RFPL1: variants seen among roughly 807,000 people sequenced by gnomAD.
RFPL1 encodes ret finger protein-like 1.
RFPL1 carries 6 observed loss-of-function variants against 9.6 expected under a neutral mutation model. The observed-to-expected ratio is 0.62, with a 90% CI of 0.34 to 1.23. RFPL1 has a LOEUF of 1.23. Among genes scored for constraint, RFPL1 ranks in the 50% most tolerant of loss-of-function variants. The probability of loss-of-function intolerance (pLI) is 0.03; values close to 1 mark genes in which losing one functional copy is unlikely to be tolerated. For missense variants in RFPL1, 352 were observed against 398.4 expected, an observed-to-expected ratio of 0.88 and a Z score of 0.99; for synonymous variants, 145 against 149.4, an observed-to-expected ratio of 0.97 and a Z score of 0.22.
chr22:29,406,561 T>C, the RFPL1 span, among the ~76,000 whole-genome samples: 1 of 152,222 alleles, frequency 6.6e-6, no homozygotes, highest in South Asian at 2.1e-4. Context: ...TTGTCTCATC[T>C]AAATAAAGGT....
At chr22:29,390,685 T>G in the RFPL1 span, among the ~76,000 whole-genome samples, 1 of 151,550 alleles carries the variant, frequency 6.6e-6, no homozygotes, top group African/African-American at 2.4e-5. Flanking sequence ...AAGCTCCGCC[T>G]CCCGGGTTCA....
chr22:29,400,763 G>A, the RFPL1 span, among the ~76,000 whole-genome samples: 4 of 152,242 alleles, frequency 2.6e-5, no homozygotes, highest in East Asian at 3.9e-4. Flanking sequence ...CACTGCTGAC[G>A]CTCAGCTTAC....
chr22:29,394,467 C>T, the RFPL1 span, among the ~76,000 whole-genome samples: 2 of 152,208 alleles, frequency 1.3e-5, no homozygotes, highest in Non-Finnish European at 2.9e-5. Context: ...CTCAGCCTCC[C>T]GAGTAGCTGG....
the RFPL1 span, among the ~76,000 whole-genome samples, chr22:29,420,193 C>T: frequency 1.3e-5 from 2 of 152,138 alleles, no homozygotes; most frequent in African/African-American, 4.8e-5. Flanking sequence ...CATGAGAGCT[C>T]AAGCATGAAA....
the RFPL1 span, among the ~76,000 whole-genome samples, chr22:29,418,075 T>A: frequency 5.3e-5 from 8 of 152,000 alleles, no homozygotes; most frequent in East Asian, 1.5e-3. Flanking sequence ...AAATTACATG[T>A]GCCCGCCACC....
At chr22:29,424,965 G>A in the RFPL1 span, among the ~76,000 whole-genome samples, 58 of 151,740 alleles carry the variant, frequency 3.8e-4, 1 homozygote, top group African/African-American at 1.3e-3. Context: ...AGCACTTTGG[G>A]AGGCCCAGGC....
At chr22:29,419,794 C>T in the RFPL1 span, among the ~76,000 whole-genome samples, 1 of 145,172 alleles carries the variant, frequency 6.9e-6, no homozygotes, top group African/African-American at 2.5e-5. Flanking sequence ...AAGTGAGATC[C>T]TCTCTCCAAA....
upstream of RFPL1, chr22:29,437,807 G>C: frequency 7.2e-7 from 1 of 1,394,230 alleles, no homozygotes; most frequent in South Asian, 1.3e-5. Flanking sequence ...GGATGAATGA[G>C]AGAAATTCGT....
chr22:29,431,690 C>CTT, the RFPL1 span, among the ~76,000 whole-genome samples: 58 of 145,128 alleles, frequency 4.0e-4, no homozygotes, highest in East Asian at 7.8e-3. Context: ...TTTAAAAGTT[C>CTT]TTTTTTTTTT....
At chr22:29,434,191 A>C (rs1410531264), upstream of RFPL1, among the ~76,000 whole-genome samples, 1 of 152,158 alleles carries the variant, frequency 6.6e-6, no homozygotes, top group African/African-American at 2.4e-5. Context: ...CATCATCTAG[A>C]TATTCATTAG....
exon 2 of RFPL1, chr22:29,442,264 T>C: frequency 1.8e-6 from 1 of 564,902 alleles, no homozygotes. Context: ...TAATCTAATT[T>C]GATTAGTTTA....
the RFPL1 span, among the ~76,000 whole-genome samples, chr22:29,410,984 C>G: frequency 1.8e-3 from 281 of 152,238 alleles, no homozygotes; most frequent in African/African-American, 6.5e-3. Context: ...CATTCTCAGT[C>G]ACCATGCAGA....
chr22:29,402,365 C>G, the RFPL1 span, among the ~76,000 whole-genome samples: 5 of 152,144 alleles, frequency 3.3e-5, no homozygotes, highest in Non-Finnish European at 5.9e-5. Context: ...AAGAAAAACA[C>G]GCTTTATGCA....
the RFPL1 span, among the ~76,000 whole-genome samples, chr22:29,425,625 G>A: frequency 6.6e-6 from 1 of 152,232 alleles, no homozygotes; most frequent in Non-Finnish European, 1.5e-5. Flanking sequence ...AAAAATGCAG[G>A]ACATTTGTGA....
At chr22:29,440,688 T>G (rs2062834105) in intron 1 of RFPL1, 1 of 152,220 alleles carries the variant, frequency 6.6e-6, no homozygotes, top group Non-Finnish European at 1.5e-5. Context: ...TTCTCCTGCC[T>G]CAGTCTACCG....
exon 1 of RFPL1, chr22:29,438,837 G>A (rs1457745681): frequency 6.2e-6 from 10 of 1,613,808 alleles, no homozygotes; most frequent in East Asian, 2.2e-5. Context: ...TTCACCTCAC[G>A]GAAATTTTCT....
chr22:29,409,426 A>G, the RFPL1 span, among the ~76,000 whole-genome samples: 1 of 152,258 alleles, frequency 6.6e-6, no homozygotes, highest in East Asian at 1.9e-4. Context: ...CCATCCTTCA[A>G]CACCAAGGAG....
the RFPL1 span, among the ~76,000 whole-genome samples, chr22:29,422,762 T>C: frequency 4.0e-5 from 6 of 151,854 alleles, no homozygotes; most frequent in Non-Finnish European, 8.8e-5. Context: ...GAAAAACATG[T>C]GCCGTTGGAT....
chr22:29,423,965 C>T, the RFPL1 span, among the ~76,000 whole-genome samples: 3 of 152,188 alleles, frequency 2.0e-5, no homozygotes, highest in East Asian at 1.9e-4. Context: ...AGCCAAGGCA[C>T]GTGGATCACC....
Sources: gnomAD v4.1 joint callset for allele counts (sites outside exome capture counted in the v4.1 genomes callset) on GRCh38, gnomAD v4.1.1 for gene constraint, MANE v1.5 for transcripts, NCBI Gene and HGNC (gene_info 2026-07-23, HGNC 2026-07-21) for gene names.